Variants in SIPA1L1 observed in about 807,000 individuals in gnomAD.
SIPA1L1 encodes signal-induced proliferation-associated 1-like protein 1.
A neutral mutation model predicts 162.7 loss-of-function variants in SIPA1L1; 26 were observed. That is an observed-to-expected ratio of 0.16 (90% CI 0.12 to 0.22). The LOEUF (loss-of-function observed/expected upper bound fraction) is 0.22, where lower values mean the gene tolerates loss of function less well. SIPA1L1 is among the 10% of genes least tolerant of loss of function. The pLI, the probability that SIPA1L1 is intolerant of heterozygous loss-of-function variation, is 1.00. For synonymous variants in SIPA1L1, 829 were observed against 837.4 expected (o/e 0.99, Z 0.17); for missense variants, 1,874 against 2,241.0 (o/e 0.84, Z 3.31).
chr14:71,361,932 T>G (rs1175184222), intron 2 of SIPA1L1, among the ~76,000 whole-genome samples: 2 of 152,228 alleles, frequency 1.3e-5, no homozygotes, highest in Non-Finnish European at 2.9e-5. Flanking sequence ...GCGTGTGATA[T>G]TTTCAGTTAA....
chr14:71,607,896 G>A (rs2037717171), intron 5 of SIPA1L1, among the ~76,000 whole-genome samples: 1 of 152,132 alleles, frequency 6.6e-6, no homozygotes, highest in African/African-American at 2.4e-5. Flanking sequence ...GAAACAAAGG[G>A]CCTTTTAGAT....
At chr14:71,461,385 T>C (rs2141898083) in intron 2 of SIPA1L1, among the ~76,000 whole-genome samples, 1 of 152,290 alleles carries the variant, frequency 6.6e-6, no homozygotes, top group South Asian at 2.1e-4. Context: ...TATGATCATT[T>C]TGTTCATGGG....
intron 2 of SIPA1L1, among the ~76,000 whole-genome samples, chr14:71,451,632 CAAAAAAAAAA>C (rs762968378): frequency 1.8e-5 from 1 of 54,394 alleles, no homozygotes; most frequent in Admixed American, 2.1e-4. Context: ...GACCTTGTCT[CAAAAAAAAAA>C]AAAAAAAAAA....
Position 71,699,095 on chromosome 14 carries a change from G to A in SIPA1L1, c.3489G>A (p.Gly1163=), listed in dbSNP as rs1418154422. 1 of 1,614,138 alleles carries A rather than the reference G, an allele frequency of 6.2e-7. No individual in the cohort carries two copies. Among genetic ancestry groups the A allele is most frequent in the Non-Finnish European group, 8.5e-7 (1 of 1,179,992 alleles). Residue 1163 remains glycine (G), a synonymous_variant, in exon 14 of 24, where the codon GGG becomes GGA. Transcript: ENST00000381232. Reference sequence around the variant, plus strand: ...CATCCAGTGATACTGGTTCTGTGGGGGGCACTTACAGGCAGAAGTCCATGC... The same window carrying A: ...CATCCAGTGATACTGGTTCTGTGGGAGGCACTTACAGGCAGAAGTCCATGC... ...LSSSSDTGSV[G]GTYRQKSMPE... is the part of the protein sequence containing the mutation.
chr14:71,579,217 T>C (rs2033568042), intron 4 of SIPA1L1, among the ~76,000 whole-genome samples: 2 of 152,238 alleles, frequency 1.3e-5, no homozygotes, highest in Admixed American at 1.3e-4. Flanking sequence ...GTATTTTCTA[T>C]GGTAGTAAAT....
intron 2 of SIPA1L1, among the ~76,000 whole-genome samples, chr14:71,431,803 C>G (rs1234330852): frequency 1.3e-5 from 2 of 152,160 alleles, no homozygotes; most frequent in East Asian, 3.8e-4. Context: ...CTTGGCCTCT[C>G]TGAAGGTTTG....
chr14:71,456,372 C>T (rs1487686358), intron 2 of SIPA1L1, among the ~76,000 whole-genome samples: 3 of 152,200 alleles, frequency 2.0e-5, no homozygotes, highest in Admixed American at 6.5e-5. Context: ...AAGTATTCAA[C>T]ATCTTATATT....
intron 2 of SIPA1L1, among the ~76,000 whole-genome samples, chr14:71,478,462 A>G (rs2142504899): frequency 6.6e-6 from 1 of 152,158 alleles, no homozygotes; most frequent in South Asian, 2.1e-4. Flanking sequence ...TAAAGATTTT[A>G]TGTTTTCTCT....
intron 2 of SIPA1L1, among the ~76,000 whole-genome samples, chr14:71,488,744 A>T (rs899392324): frequency 1.3e-5 from 2 of 152,230 alleles, no homozygotes; most frequent in Non-Finnish European, 2.9e-5. Flanking sequence ...AGAGAAGAGT[A>T]CTGTGAGGAA....
chr14:71,417,421 G>A (rs544260673), intron 2 of SIPA1L1, among the ~76,000 whole-genome samples: 56 of 115,178 alleles, frequency 4.9e-4, no homozygotes, highest in African/African-American at 1.8e-3. Flanking sequence ...GCAGTGAGCC[G>A]AGATTGCGCC....
At chr14:71,462,063 T>C (rs1327156951) in intron 2 of SIPA1L1, among the ~76,000 whole-genome samples, 1 of 152,234 alleles carries the variant, frequency 6.6e-6, no homozygotes, top group Non-Finnish European at 1.5e-5. Context: ...AGAATGCTGC[T>C]GTGCATGACC....
chr14:71,650,181 AT>A (rs2042505384), intron 7 of SIPA1L1, 153 bp from the exon 8 acceptor site: 24 of 779,580 alleles, frequency 3.1e-5, no homozygotes. Flanking sequence ...GCTCCACTTA[AT>A]TTTGGATCAA....
chr14:71,490,824 A>G (rs998835380), intron 2 of SIPA1L1, among the ~76,000 whole-genome samples: 1 of 152,260 alleles, frequency 6.6e-6, no homozygotes, highest in Admixed American at 6.5e-5. Context: ...TGCTGAATCT[A>G]TAAAAAGTAG....
intron 4 of SIPA1L1, among the ~76,000 whole-genome samples, chr14:71,576,154 G>A (rs2032995067): frequency 6.6e-6 from 1 of 152,206 alleles, no homozygotes; most frequent in Non-Finnish European, 1.5e-5. Flanking sequence ...TCACTGGGGA[G>A]AGAAGGCTGA....
At chr14:71,397,022 G>A (rs1042037635) in intron 2 of SIPA1L1, among the ~76,000 whole-genome samples, 1 of 152,198 alleles carries the variant, frequency 6.6e-6, no homozygotes, top group Admixed American at 6.5e-5. Context: ...ATTTGGAGCT[G>A]AGTCTCTTTC....
At chr14:71,419,351 C>T (rs1180121928) in intron 2 of SIPA1L1, among the ~76,000 whole-genome samples, 1 of 151,366 alleles carries the variant, frequency 6.6e-6, no homozygotes, top group Non-Finnish European at 1.5e-5. Context: ...GACTAGGTAA[C>T]ATTTGATAAA....
At chr14:71,728,350 C>T (rs2084432091) in intron 19 of SIPA1L1, among the ~76,000 whole-genome samples, 1 of 152,188 alleles carries the variant, frequency 6.6e-6, no homozygotes, top group African/African-American at 2.4e-5. Context: ...ACTTTCATTC[C>T]AAGTTCTCTC....
chr14:71,335,702 G>A (rs2035023810), intron 2 of SIPA1L1, among the ~76,000 whole-genome samples: 1 of 152,136 alleles, frequency 6.6e-6, no homozygotes, highest in African/African-American at 2.4e-5. Context: ...TTGAGCAAAA[G>A]GACCTCTCTC....
intron 2 of SIPA1L1, chr14:71,448,549 TAAA>T (rs959073272): frequency 1.1e-4 from 17 of 152,322 alleles, no homozygotes; most frequent in African/African-American, 3.6e-4. Context: ...CAAGTTGGAA[TAAA>T]GAAGACATTT....
Sources: gnomAD v4.1 joint callset for allele counts (sites outside exome capture counted in the v4.1 genomes callset) on GRCh38, gnomAD v4.1.1 for gene constraint, MANE v1.5 for transcripts, NCBI Gene and HGNC (gene_info 2026-07-23, HGNC 2026-07-21) for gene names.